Variants in GPC5 observed in about 807,000 individuals in gnomAD.
GPC5 encodes the protein glypican-5.
GPC5 carries 47 observed loss-of-function variants against 53.9 expected under a neutral mutation model. That is an observed-to-expected ratio of 0.87 (90% CI 0.69 to 1.11). GPC5 has a LOEUF of 1.11. Ranked by LOEUF, GPC5 falls within the 50% of genes most tolerant of loss-of-function variation. The pLI, the probability that GPC5 is intolerant of heterozygous loss-of-function variation, is 0.00. For missense variants in GPC5, 748 were observed against 713.1 expected, an observed-to-expected ratio of 1.05 and a Z score of -0.56; for synonymous variants, 286 against 263.3, an observed-to-expected ratio of 1.09 and a Z score of -0.84.
At chr13:92,518,334 C>T (rs1594268833) in intron 7 of GPC5, among the ~76,000 whole-genome samples, 1 of 152,158 alleles carries the variant, frequency 6.6e-6, no homozygotes, top group East Asian at 1.9e-4. Context: ...GTCAGATTCA[C>T]CAAAGTTGAA....
Position 91,491,350 on chromosome 13 carries a change from A to G in GPC5, c.325+42428A>G, listed in dbSNP as rs563554843. On this transcript the variant is annotated intron_variant, in intron 2 of 7. Transcript: ENST00000377067. Reference sequence around the variant, plus strand: ...GTTCATTGCTTTATAAGAATCTTTGAGAATAAAATCCAAACATTTTGTCTT... The same window carrying G: ...GTTCATTGCTTTATAAGAATCTTTGGGAATAAAATCCAAACATTTTGTCTT... Among the ~76,000 whole-genome samples, 5 of 152,322 alleles carry G rather than the reference A, an allele frequency of 3.3e-5. No individual in the cohort carries two copies. In the South Asian group the frequency reaches 8.3e-4, roughly 25 times the overall value.
At chr13:92,057,127 G>A (rs1255037453) in intron 6 of GPC5, among the ~76,000 whole-genome samples, 1 of 152,056 alleles carries the variant, frequency 6.6e-6, no homozygotes, top group African/African-American at 2.4e-5. Flanking sequence ...GATGCCAATT[G>A]ATTCCATATC....
intron 5 of GPC5, among the ~76,000 whole-genome samples, chr13:91,771,977 A>G (rs1040559669): frequency 6.6e-6 from 1 of 152,174 alleles, no homozygotes; most frequent in African/African-American, 2.4e-5. Flanking sequence ...GAATATGGGT[A>G]GTTACTGCAC....
chr13:92,281,004 G>T (rs184726909), intron 7 of GPC5, among the ~76,000 whole-genome samples: 4 of 152,324 alleles, frequency 2.6e-5, no homozygotes, highest in Admixed American at 2.6e-4. Flanking sequence ...CCAGTCAAGG[G>T]AGGCGGTGAC....
chr13:92,663,928 T>C (rs1886482092), intron 7 of GPC5, among the ~76,000 whole-genome samples: 1 of 134,720 alleles, frequency 7.4e-6, no homozygotes, highest in African/African-American at 2.9e-5. Flanking sequence ...AAAAATTAGC[T>C]CGGCATGGTG....
intron 2 of GPC5, among the ~76,000 whole-genome samples, chr13:91,556,737 T>G (rs776062404): frequency 6.6e-6 from 1 of 151,834 alleles, no homozygotes; most frequent in Non-Finnish European, 1.5e-5. Context: ...CCAAACGTTG[T>G]ATGTTCTCAC....
Position 92,753,979 on chromosome 13 carries a change from C to T in GPC5, c.1562-112303C>T, listed in dbSNP as rs370444671. Among the ~76,000 whole-genome samples, 19 of 132,986 alleles carry T rather than the reference C, an allele frequency of 1.4e-4. No homozygotes were observed. In the South Asian group the frequency reaches 3.2e-3, roughly 22 times the overall value. The allele number at this position is 132,986 out of a possible 152,430, so 87.2% of individuals were successfully genotyped here. A position where few individuals can be genotyped will look rare whatever the true frequency, so the allele number is the denominator to read the frequency against. On this transcript the variant is annotated intron_variant, in intron 7 of 7. Coordinates refer to ENST00000377067, the MANE Select transcript of GPC5 (RefSeq NM_004466.6). Reference sequence around the variant, plus strand: ...GTTCAGATTCAGGAAATACAGAGAACGCCACAAAGATACTCCTCAAGAAGA... The same window carrying T: ...GTTCAGATTCAGGAAATACAGAGAATGCCACAAAGATACTCCTCAAGAAGA...
chr13:91,859,277 A>C (rs1482342505), intron 5 of GPC5, among the ~76,000 whole-genome samples: 1 of 151,760 alleles, frequency 6.6e-6, no homozygotes, highest in African/African-American at 2.4e-5. Context: ...TGATCTTGGA[A>C]ATTATAGGTA....
chr13:91,439,305 C>T (rs1191878205), intron 1 of GPC5, among the ~76,000 whole-genome samples: 1 of 152,196 alleles, frequency 6.6e-6, no homozygotes. Context: ...TGCTGCTAAG[C>T]ATCTTGCTGG....
At chr13:92,807,335 A>T (rs2138794015) in intron 7 of GPC5, among the ~76,000 whole-genome samples, 1 of 152,220 alleles carries the variant, frequency 6.6e-6, no homozygotes, top group South Asian at 2.1e-4. Flanking sequence ...ATTACATATT[A>T]TGGTTGATGG....
intron 2 of GPC5, among the ~76,000 whole-genome samples, chr13:91,666,574 T>C (rs1475938844): frequency 6.6e-6 from 1 of 152,196 alleles, no homozygotes; most frequent in Non-Finnish European, 1.5e-5. Flanking sequence ...CTTGACATTT[T>C]TGTGGTGTTA....
At chr13:92,845,190 C>G (rs1878570900) in intron 7 of GPC5, among the ~76,000 whole-genome samples, 1 of 151,706 alleles carries the variant, frequency 6.6e-6, no homozygotes, top group Non-Finnish European at 1.5e-5. Flanking sequence ...TCAGAAAATG[C>G]AAAACTGAGG....
At chr13:91,977,117 A>G (rs1385728952) in intron 6 of GPC5, among the ~76,000 whole-genome samples, 1 of 152,016 alleles carries the variant, frequency 6.6e-6, no homozygotes, top group Non-Finnish European at 1.5e-5. Flanking sequence ...ATGTTTATCC[A>G]AAAAACAGTA....
intron 2 of GPC5, among the ~76,000 whole-genome samples, chr13:91,620,531 G>A (rs1168196844): frequency 6.6e-6 from 1 of 152,078 alleles, no homozygotes; most frequent in African/African-American, 2.4e-5. Context: ...CAACCAATCT[G>A]TTCTGCATCT....
At chr13:92,798,110 T>C (rs908244862) in intron 7 of GPC5, among the ~76,000 whole-genome samples, 1 of 151,902 alleles carries the variant, frequency 6.6e-6, no homozygotes, top group Non-Finnish European at 1.5e-5. Flanking sequence ...AGACTGAGCA[T>C]GCTGAAAATG....
intron 7 of GPC5, among the ~76,000 whole-genome samples, chr13:92,521,630 G>A (rs577727244): frequency 2.6e-4 from 40 of 152,292 alleles, no homozygotes; most frequent in African/African-American, 7.7e-4. Context: ...ATCAATTCAA[G>A]ATGGATTAAA....
At chr13:91,780,988 A>T (rs986553861) in intron 5 of GPC5, among the ~76,000 whole-genome samples, 2 of 152,238 alleles carry the variant, frequency 1.3e-5, no homozygotes, top group Admixed American at 6.5e-5. Flanking sequence ...AGAGTATAGG[A>T]AGAAAAGCGA....
chr13:91,586,532 ATATATATATATATATATATATATATATAT>A (rs2032585626), intron 2 of GPC5, among the ~76,000 whole-genome samples: 3 of 41,138 alleles, frequency 7.3e-5, no homozygotes, highest in Non-Finnish European at 1.2e-4. Flanking sequence ...ATATATATAT[ATATATATATATATATATATATATATATAT>A]GTAGAGAGAG....
chr13:92,860,299 G>T (rs889154488), intron 7 of GPC5, among the ~76,000 whole-genome samples: 1 of 152,076 alleles, frequency 6.6e-6, no homozygotes, highest in Non-Finnish European at 1.5e-5. Flanking sequence ...CAGTTGCATT[G>T]CCCTTCAGTT....
Sources: gnomAD v4.1 joint callset for allele counts (sites outside exome capture counted in the v4.1 genomes callset) on GRCh38, gnomAD v4.1.1 for gene constraint, MANE v1.5 for transcripts, NCBI Gene and HGNC (gene_info 2026-07-23, HGNC 2026-07-21) for gene names.